The following COMMD10 variants were observed in gnomAD, a reference collection of about 807,000 sequenced individuals.
COMMD10 encodes COMM domain containing 10.
In COMMD10, 33 loss-of-function variants were observed where a neutral mutation model predicts 28.9. That is an observed-to-expected ratio of 1.14 (90% CI 0.87 to 1.53). COMMD10 has a LOEUF of 1.53. Ranked by LOEUF, COMMD10 falls within the 40% of genes most tolerant of loss-of-function variation. The probability of loss-of-function intolerance (pLI) is 0.00; values close to 1 mark genes in which losing one functional copy is unlikely to be tolerated. For synonymous variants in COMMD10, 110 were observed against 81.7 expected, an observed-to-expected ratio of 1.35 and a Z score of -1.87; for missense variants, 310 against 233.4, an observed-to-expected ratio of 1.33 and a Z score of -2.14.
intron 5 of COMMD10, chr5:116,218,158 T>C (rs982906890): frequency 8.3e-6 from 8 of 964,040 alleles, no homozygotes; most frequent in African/African-American, 8.0e-5. Flanking sequence ...CTCCCTTCTT[T>C]GCAGGGGCCT....
chr5:116,106,109 TG>T (rs78094874), intron 4 of COMMD10, among the ~76,000 whole-genome samples: 17,402 of 148,614 alleles, frequency 0.12, 1,538 homozygotes, highest in African/African-American at 0.24. Flanking sequence ...TTTTTTTTTT[TG>T]TGTGGGCATT....
At chr5:116,270,905 C>A (rs1389311674) in intron 5 of COMMD10, among the ~76,000 whole-genome samples, 2 of 151,664 alleles carry the variant, frequency 1.3e-5, no homozygotes, top group Admixed American at 1.3e-4. Flanking sequence ...CACCATTACA[C>A]TCCAGCATGG....
chr5:116,229,436 A>G (rs1749474210), intron 5 of COMMD10, among the ~76,000 whole-genome samples: 2 of 152,036 alleles, frequency 1.3e-5, no homozygotes, highest in African/African-American at 4.8e-5. Context: ...AGCAGGACAA[A>G]GCATAAAGAC....
chr5:116,161,652 TAAGG>T (rs953076709), intron 5 of COMMD10, among the ~76,000 whole-genome samples: 3 of 152,268 alleles, frequency 2.0e-5, no homozygotes, highest in African/African-American at 7.2e-5. Context: ...AAGAAAATCA[TAAGG>T]AAGAGAAAAT....
intron 1 of COMMD10, among the ~76,000 whole-genome samples, chr5:116,085,892 T>C (rs4920903): frequency 0.64 from 98,028 of 152,094 alleles, 32,144 homozygotes; most frequent in Non-Finnish European, 0.72. Flanking sequence ...TTTCCTTCTT[T>C]CTGGATTCCT....
In COMMD10 at chr5:116,246,914, C is replaced by T. The variant is rs192490844; in HGVS notation, c.511-44603C>T. ...GGCAATACCATGCAGGACAATGGCA[C>T]GGGCAAAGATTTCATGATGAAGACA... On this transcript the variant is annotated intron_variant, in intron 5 of 6. Transcript: ENST00000274458. 1.8e-4 allele frequency among the ~76,000 whole-genome samples: 27 copies of T among 151,980 alleles called. No individual in the cohort carries two copies. The South Asian group carries it at 2.7e-3, about 15-fold the overall frequency.
intron 1 of COMMD10, among the ~76,000 whole-genome samples, chr5:116,086,250 A>G (rs1175356740): frequency 1.3e-5 from 2 of 152,016 alleles, no homozygotes; most frequent in African/African-American, 2.4e-5. Context: ...TCCTGACCCT[A>G]TTTTCCTGCC....
At chr5:116,218,773 T>A (rs1011106043) in intron 5 of COMMD10, among the ~76,000 whole-genome samples, 9 of 152,262 alleles carry the variant, frequency 5.9e-5, no homozygotes, top group African/African-American at 1.7e-4. Context: ...AGTCGAGTAG[T>A]AAGGGCTCCA....
intron 4 of COMMD10, among the ~76,000 whole-genome samples, chr5:116,104,598 C>T (rs200110211): frequency 6.6e-6 from 1 of 151,970 alleles, no homozygotes. Flanking sequence ...TAAACACAGA[C>T]AATTTGACTT....
At chr5:116,200,938 T>C (rs1198278927) in intron 5 of COMMD10, among the ~76,000 whole-genome samples, 1 of 152,174 alleles carries the variant, frequency 6.6e-6, no homozygotes, top group East Asian at 1.9e-4. Flanking sequence ...CTCTGTGTTT[T>C]TATGTTGGGA....
At chr5:116,172,624 G>A (rs1378390663) in intron 5 of COMMD10, among the ~76,000 whole-genome samples, 1 of 152,054 alleles carries the variant, frequency 6.6e-6, no homozygotes, top group African/African-American at 2.4e-5. Context: ...GTTCCTATTC[G>A]AAAAGATTTA....
At chr5:116,146,908 C>G (rs79226409) in intron 5 of COMMD10, among the ~76,000 whole-genome samples, 1 of 151,652 alleles carries the variant, frequency 6.6e-6, no homozygotes, top group East Asian at 1.9e-4. Flanking sequence ...CAAAGTTTCT[C>G]AGCTGTCCTT....
intron 5 of COMMD10, among the ~76,000 whole-genome samples, chr5:116,165,590 G>A (rs1483774722): frequency 6.6e-6 from 1 of 152,012 alleles, no homozygotes; most frequent in Non-Finnish European, 1.5e-5. Flanking sequence ...TCTTTCCTAA[G>A]GGTGTGTGTG....
intron 5 of COMMD10, among the ~76,000 whole-genome samples, chr5:116,193,413 C>T (rs1748425016): frequency 6.6e-6 from 1 of 152,082 alleles, no homozygotes; most frequent in Non-Finnish European, 1.5e-5. Context: ...TATCTGCTGC[C>T]TTCAGGAGAC....
chr5:116,262,321 A>G (rs1750470062), intron 5 of COMMD10, among the ~76,000 whole-genome samples: 1 of 151,772 alleles, frequency 6.6e-6, no homozygotes, highest in Non-Finnish European at 1.5e-5. Context: ...AGTTTAATAC[A>G]TGTTGTGAAC....
chr5:116,124,855 A>T (rs756010190), intron 4 of COMMD10, among the ~76,000 whole-genome samples: 1 of 151,772 alleles, frequency 6.6e-6, no homozygotes, highest in Non-Finnish European at 1.5e-5. Flanking sequence ...ATCTTTGTTT[A>T]AAGTCTGTTT....
At chr5:116,235,428 T>C (rs1749634473) in intron 5 of COMMD10, among the ~76,000 whole-genome samples, 2 of 152,198 alleles carry the variant, frequency 1.3e-5, no homozygotes, top group Non-Finnish European at 2.9e-5. Flanking sequence ...TATTTCATTT[T>C]CCTGTTACAA....
intron 5 of COMMD10, among the ~76,000 whole-genome samples, chr5:116,226,416 C>CTTTT (rs34529275): frequency 7.2e-6 from 1 of 138,102 alleles, no homozygotes. Flanking sequence ...TTGTACTTCC[C>CTTTT]TTTTTTTTTT....
intron 5 of COMMD10, among the ~76,000 whole-genome samples, chr5:116,179,347 A>G (rs1399846095): frequency 1.3e-5 from 2 of 152,178 alleles, no homozygotes; most frequent in South Asian, 2.1e-4. Context: ...CTAGCTGTTT[A>G]ACTCAAAAAT....
Sources: allele counts gnomAD v4.1 joint callset (sites outside exome capture counted in the v4.1 genomes callset), GRCh38; gene constraint gnomAD v4.1.1; transcripts MANE v1.5; gene names NCBI Gene and HGNC (gene_info 2026-07-23, HGNC 2026-07-21).